CHD7: variants seen among roughly 807,000 people sequenced by gnomAD.
CHD7 encodes chromodomain helicase DNA binding protein 7, also known as ATP-dependent chromatin remodeler CHD7.
A neutral mutation model predicts 307.3 loss-of-function variants in CHD7; 24 were observed. The ratio of observed to expected loss-of-function variants is 0.08; its 90% CI spans 0.06 to 0.11. CHD7 has a LOEUF of 0.11. CHD7 is among the 10% of genes least tolerant of loss of function. The probability of loss-of-function intolerance (pLI) is 1.00; values close to 1 mark genes in which losing one functional copy is unlikely to be tolerated. For missense variants in CHD7, 3,106 were observed against 3,727.1 expected (o/e 0.83, Z 4.34); for synonymous variants, 1,363 against 1,349.9 (o/e 1.01, Z -0.21).
In CHD7 at chr8:60,852,638, A is replaced by G. The variant is rs1805504949; in HGVS notation, c.6035A>G (p.Glu2012Gly). The stretch of plus-strand genomic sequence containing the variant: ...GACAAAAAATCTGATGAGAGTTTGG[A>G]GAAATACTTCAGTTGTTTTGTGGCC... ...RLDKKSDESLEKYFSCFVAMC... is the reference protein window; with the variant it reads ...RLDKKSDESLGKYFSCFVAMC... The change falls in exon 30 of 38, where the codon GAG becomes GGG. Residue 2012 changes from glutamate (E) to glycine (G), a missense_variant. Coordinates refer to ENST00000423902, the MANE Select transcript of CHD7 (RefSeq NM_017780.4). 1 of 1,613,872 alleles carries G rather than the reference A, an allele frequency of 6.2e-7. No individual in the cohort carries two copies. Among genetic ancestry groups the G allele is most frequent in the Admixed American group, 1.7e-5 (1 of 60,000 alleles).
At chr8:60,821,284 A>C (rs1804020931) in intron 9 of CHD7, among the ~76,000 whole-genome samples, 1 of 152,192 alleles carries the variant, frequency 6.6e-6, no homozygotes, top group African/African-American at 2.4e-5. Flanking sequence ...GCTATTTGCT[A>C]GCTATTTCTT....
intron 7 of CHD7, among the ~76,000 whole-genome samples, chr8:60,812,166 TTC>T (rs1491009026): frequency 6.6e-6 from 1 of 152,232 alleles, no homozygotes; most frequent in African/African-American, 2.4e-5. Context: ...TATCAATTTT[TTC>T]TTTTATTGTT....
chr8:60,715,327 T>C (rs1426751324), intron 1 of CHD7, among the ~76,000 whole-genome samples: 3 of 102,058 alleles, frequency 2.9e-5, no homozygotes, highest in African/African-American at 1.7e-4. Flanking sequence ...GGGCTCTGCC[T>C]TTTTTTTTTT....
At chr8:60,736,865 G>A (rs113391790) in intron 1 of CHD7, among the ~76,000 whole-genome samples, 2 of 152,238 alleles carry the variant, frequency 1.3e-5, no homozygotes, top group East Asian at 3.9e-4. Context: ...CACCTGTGAC[G>A]CTAAAAGGTT....
chr8:60,703,240 G>GCATC (rs1806859557), intron 1 of CHD7, among the ~76,000 whole-genome samples: 1 of 151,978 alleles, frequency 6.6e-6, no homozygotes, highest in Admixed American at 6.6e-5. Flanking sequence ...ATAATGTTAC[G>GCATC]CATCCATCAC....
In CHD7 at chr8:60,836,736, G is replaced by T. The variant is rs41304212; in HGVS notation, c.3990-81G>T. On this transcript the variant is annotated intron_variant, in intron 16 of 37. Transcript: ENST00000423902. ...GTCTTTTTAATATATATTCCATATTGTAATAATTAAAAATTAAAAAAAGGA... is the reference window on the plus strand; with the variant it reads ...GTCTTTTTAATATATATTCCATATTTTAATAATTAAAAATTAAAAAAAGGA... The T allele has an allele frequency of 0.018, 17,546 of 991,016 alleles. 195 individuals are homozygous for T. The highest frequency in any genetic ancestry group is 0.021 in the Non-Finnish European group (13,620 of 654,700). The allele number at this position is 991,016 out of a possible 1,614,324, so 61.4% of individuals were successfully genotyped here.
intron 3 of CHD7, among the ~76,000 whole-genome samples, chr8:60,787,597 C>G (rs1292731106): frequency 1.3e-5 from 2 of 152,004 alleles, no homozygotes; most frequent in African/African-American, 4.8e-5. Flanking sequence ...CCTTAAACTT[C>G]CATTAGAATA....
intron 4 of CHD7, among the ~76,000 whole-genome samples, chr8:60,799,950 A>G (rs1372298053): frequency 2.0e-5 from 3 of 152,156 alleles, no homozygotes; most frequent in Non-Finnish European, 2.9e-5. Context: ...CACATCATAT[A>G]TAGGATTAGC....
intron 2 of CHD7, among the ~76,000 whole-genome samples, chr8:60,750,628 A>G (rs1445286312): frequency 3.3e-5 from 5 of 152,236 alleles, no homozygotes; most frequent in Admixed American, 2.6e-4. Context: ...ACATTTCAAC[A>G]TGTAGTCAGT....
At position 60,795,074 on chromosome 8, in the gene CHD7, A is replaced by G. The variant is rs41272437; in HGVS notation, c.2185A>G (p.Lys729Glu). The stretch of plus-strand genomic sequence containing the variant: ...AGGTTCTGAAAATTCAGACTTAGAC[A>G]AAACACCCCCACCATCTCCTCCTCC... ...TEGSENSDLD[K>E]TPPPSPPPEE... is the part of the protein sequence containing the mutation. Residue 729 changes from lysine (K) to glutamate (E), a missense_variant, in exon 4 of 38, where the codon AAA becomes GAA. Physicochemically the swap from Lys to Glu is moderately conservative, Grantham distance 56 (BLOSUM62 1). Transcript: ENST00000423902. The G allele has an allele frequency of 4.9e-4, 796 of 1,613,906 alleles. 1 individual carries two copies. Among genetic ancestry groups the G allele is most frequent in the Admixed American group, 7.5e-4 (45 of 60,022 alleles).
At chr8:60,816,300 A>G in intron 7 of CHD7, 87 bp from the exon 8 acceptor site, 3 of 732,060 alleles carry the variant, frequency 4.1e-6, no homozygotes, top group Non-Finnish European at 6.9e-6. Context: ...TATTTTAATT[A>G]TCTGTGTAGT....
chr8:60,784,532 G>C (rs1811403721), intron 3 of CHD7, among the ~76,000 whole-genome samples: 1 of 152,196 alleles, frequency 6.6e-6, no homozygotes, highest in Admixed American at 6.5e-5. Context: ...CTGTGTCACT[G>C]TCAGGGAGAG....
chr8:60,806,675 T>C (rs1812551048), intron 6 of CHD7, among the ~76,000 whole-genome samples: 3 of 152,148 alleles, frequency 2.0e-5, no homozygotes, highest in East Asian at 1.9e-4. Flanking sequence ...CCAGACTCCT[T>C]CTTGATGATT....
chr8:60,808,359 G>A, intron 7 of CHD7, 87 bp downstream of exon 7: 1 of 837,478 alleles, frequency 1.2e-6, no homozygotes, highest in South Asian at 1.6e-5. Context: ...GGGAAATTAA[G>A]AAACTTTGGT....
chr8:60,814,990 T>C (rs191502346), intron 7 of CHD7, among the ~76,000 whole-genome samples: 218 of 152,350 alleles, frequency 1.4e-3, no homozygotes, highest in Non-Finnish European at 2.7e-3. Flanking sequence ...TCAAAAAGTT[T>C]CGAGTTTTAG....
At chr8:60,686,466 A>G (rs1026330051) in intron 1 of CHD7, among the ~76,000 whole-genome samples, 1 of 152,122 alleles carries the variant, frequency 6.6e-6, no homozygotes, top group South Asian at 2.1e-4. Context: ...GGAAAGGCGC[A>G]TGCAGGCCCC....
Position 60,741,521 on chromosome 8 carries a change from C to T in CHD7, c.89C>T (p.Pro30Leu), listed in dbSNP as rs768014298. The T allele has an allele frequency of 1.1e-5, 17 of 1,612,890 alleles. No homozygotes were observed. Among genetic ancestry groups the T allele is most frequent in the East Asian group, 6.7e-5 (3 of 44,864 alleles). The change falls in exon 2 of 38, where the codon CCG becomes CTG. Residue 30 changes from proline (P) to leucine (L), a missense_variant. Physicochemically the swap from Pro to Leu is moderately conservative, Grantham distance 98. This residue lies in a region of CHD7 where 998 missense variants were observed against 1,004.5 expected (regional missense o/e 0.99). Transcript: ENST00000423902. ...GLEGLGECGY[P>L]ENPVNPMGQQ... Reference sequence around the variant, plus strand: ...GAAGGCCTCGGAGAATGTGGTTACCCGGAAAATCCAGTAAATCCTATGGGT... The same window carrying T: ...GAAGGCCTCGGAGAATGTGGTTACCTGGAAAATCCAGTAAATCCTATGGGT...
chr8:60,806,605 G>GT (rs1812547485), intron 6 of CHD7, among the ~76,000 whole-genome samples: 1 of 152,164 alleles, frequency 6.6e-6, no homozygotes, highest in African/African-American at 2.4e-5. Flanking sequence ...TAGTTATTAC[G>GT]TTTCATAGAT....
chr8:60,845,653 T>G (rs1431171199), intron 23 of CHD7, among the ~76,000 whole-genome samples: 4 of 152,202 alleles, frequency 2.6e-5, no homozygotes, highest in South Asian at 2.1e-4. Context: ...TTGCACAGCC[T>G]TATCATTTTT....
Sources: gnomAD v4.1 joint callset for allele counts (sites outside exome capture counted in the v4.1 genomes callset) on GRCh38, gnomAD v4.1.1 for gene constraint, gnomAD v4.1.1 regional missense constraint, MANE v1.5 for transcripts, NCBI Gene and HGNC (gene_info 2026-07-23, HGNC 2026-07-21) for gene names.